The following MSI2 variants were observed in gnomAD, a reference collection of about 807,000 sequenced individuals.
The protein encoded by MSI2 is musashi RNA binding protein 2, also known as RNA-binding protein Musashi homolog 2.
A neutral mutation model predicts 45.6 loss-of-function variants in MSI2; 17 were observed. That is an observed-to-expected ratio of 0.37 (90% CI 0.26 to 0.56). MSI2 has a LOEUF of 0.56. MSI2 is among the 20% of genes least tolerant of loss of function. The probability of loss-of-function intolerance (pLI) is 0.77; values close to 1 mark genes in which losing one functional copy is unlikely to be tolerated. For synonymous variants in MSI2, 156 were observed against 158.2 expected (o/e 0.99, Z 0.11); for missense variants, 293 against 444.2 (o/e 0.66, Z 3.06).
the MSI2 span, among the ~76,000 whole-genome samples, chr17:57,694,144 A>T: frequency 6.6e-6 from 1 of 152,168 alleles, no homozygotes; most frequent in Non-Finnish European, 1.5e-5. Context: ...AACACCTAAA[A>T]TATTTGCTAT....
chr17:57,507,525 T>A lies in MSI2; in HGVS notation c.406-22151T>A, dbSNP rs74868734. 5.1e-3 allele frequency among the ~76,000 whole-genome samples: 776 copies of A among 152,278 alleles called. 4 individuals carry two copies. Among genetic ancestry groups the A allele is most frequent in the African/African-American group, 0.018 (729 of 41,556 alleles). On this transcript the variant is annotated intron_variant, in intron 6 of 13. Transcript: ENST00000284073. The stretch of plus-strand genomic sequence containing the variant: ...TGTGATTTTTGGAAACCATTGCCAG[T>A]CTTGGTTCCAAATGACTTGTGGCCA...
chr17:57,523,869 T>C (rs1236365718), intron 6 of MSI2, among the ~76,000 whole-genome samples: 1 of 152,258 alleles, frequency 6.6e-6, no homozygotes, highest in East Asian at 1.9e-4. Context: ...CTTTCTTTGT[T>C]GTTTTGGGGG....
At chr17:57,356,076 C>T (rs1916391110) in intron 5 of MSI2, among the ~76,000 whole-genome samples, 1 of 152,044 alleles carries the variant, frequency 6.6e-6, no homozygotes, top group Non-Finnish European at 1.5e-5. Context: ...GTTTTCGCCA[C>T]GTTGGCCAGG....
At chr17:57,698,111 A>G in the MSI2 span, among the ~76,000 whole-genome samples, 1 of 150,952 alleles carries the variant, frequency 6.6e-6, no homozygotes, top group Non-Finnish European at 1.5e-5. Context: ...CCTTCCTGTC[A>G]CTCTTCCCTT....
chr17:57,643,009 G>A (rs891031518), intron 10 of MSI2, among the ~76,000 whole-genome samples: 1 of 152,178 alleles, frequency 6.6e-6, no homozygotes, highest in African/African-American at 2.4e-5. Context: ...AGTGTTCTGA[G>A]CTCCAGCTGC....
At chr17:57,458,032 C>T (rs180985979) in intron 6 of MSI2, among the ~76,000 whole-genome samples, 34 of 151,014 alleles carry the variant, frequency 2.3e-4, no homozygotes, top group African/African-American at 7.8e-4. Flanking sequence ...AAATAGATAT[C>T]AGATACCATA....
chr17:57,404,929 C>T (rs2084055078), intron 6 of MSI2, among the ~76,000 whole-genome samples: 1 of 152,138 alleles, frequency 6.6e-6, no homozygotes, highest in South Asian at 2.1e-4. Flanking sequence ...AAGATCAGGT[C>T]ACGAAGCGTG....
At chr17:57,535,857 T>C (rs2086910232) in intron 7 of MSI2, among the ~76,000 whole-genome samples, 1 of 152,212 alleles carries the variant, frequency 6.6e-6, no homozygotes, top group African/African-American at 2.4e-5. Flanking sequence ...TTTAAGGTCT[T>C]TGTAATTTGC....
At chr17:57,359,589 AC>A (rs1252578899) in intron 5 of MSI2, among the ~76,000 whole-genome samples, 1 of 152,186 alleles carries the variant, frequency 6.6e-6, no homozygotes, top group Non-Finnish European at 1.5e-5. Context: ...CAAAGTTTGT[AC>A]CCAGTCATGG....
chr17:57,503,813 C>T (rs190413233), intron 6 of MSI2, among the ~76,000 whole-genome samples: 7 of 152,330 alleles, frequency 4.6e-5, no homozygotes, highest in Admixed American at 3.3e-4. Flanking sequence ...CGCGCAATCG[C>T]GGCTCACGAC....
chr17:57,595,553 C>T (rs533020369), intron 7 of MSI2, among the ~76,000 whole-genome samples: 4 of 152,110 alleles, frequency 2.6e-5, no homozygotes, highest in Non-Finnish European at 5.9e-5. Context: ...AGACAGCTGC[C>T]TTCCTGTTGC....
At chr17:57,484,122 C>A (rs1212456068) in intron 6 of MSI2, among the ~76,000 whole-genome samples, 1 of 152,238 alleles carries the variant, frequency 6.6e-6, no homozygotes, top group Non-Finnish European at 1.5e-5. Context: ...TTTAACCCCA[C>A]CTCAGGCTGT....
chr17:57,509,499 C>T (rs778561817), intron 6 of MSI2, among the ~76,000 whole-genome samples: 28 of 152,174 alleles, frequency 1.8e-4, no homozygotes, highest in Non-Finnish European at 3.4e-4. Context: ...TGGCTCACTG[C>T]AACCTCCGCC....
At chr17:57,475,319 T>G (rs1158750835) in intron 6 of MSI2, among the ~76,000 whole-genome samples, 1 of 152,130 alleles carries the variant, frequency 6.6e-6, no homozygotes, top group East Asian at 1.9e-4. Flanking sequence ...GGTTTTTGGA[T>G]GGACAGATGG....
chr17:57,506,772 C>G (rs1376195548), intron 6 of MSI2, among the ~76,000 whole-genome samples: 1 of 152,216 alleles, frequency 6.6e-6, no homozygotes, highest in Non-Finnish European at 1.5e-5. Flanking sequence ...GCAAACCTTC[C>G]TGTGTCTTCC....
chr17:57,433,176 C>G (rs1162084048), intron 6 of MSI2, among the ~76,000 whole-genome samples: 1 of 152,202 alleles, frequency 6.6e-6, no homozygotes, highest in Non-Finnish European at 1.5e-5. Flanking sequence ...GGCGGCTTCT[C>G]TAAGGTGACA....
chr17:57,456,599 CA>C (rs796938053), intron 6 of MSI2, among the ~76,000 whole-genome samples: 275 of 139,650 alleles, frequency 2.0e-3, no homozygotes, highest in Admixed American at 2.3e-3. Flanking sequence ...ACTCCATCTC[CA>C]AAAAAAAAAA....
intron 6 of MSI2, among the ~76,000 whole-genome samples, chr17:57,489,485 A>ATGG (rs2085824418): frequency 6.6e-6 from 1 of 152,320 alleles, no homozygotes; most frequent in African/African-American, 2.4e-5. Context: ...GGTTCTGACC[A>ATGG]TGAGCTTTGG....
At chr17:57,437,576 T>G (rs1210280977) in intron 6 of MSI2, among the ~76,000 whole-genome samples, 2 of 152,230 alleles carry the variant, frequency 1.3e-5, no homozygotes, top group East Asian at 3.9e-4. Context: ...CAATGTTCAC[T>G]GCAATGAACT....
Sources: allele counts gnomAD v4.1 joint callset (sites outside exome capture counted in the v4.1 genomes callset), GRCh38; gene constraint gnomAD v4.1.1; transcripts MANE v1.5; gene names NCBI Gene and HGNC (gene_info 2026-07-23, HGNC 2026-07-21).